The following NPAS3 variants were observed in gnomAD, a reference collection of about 807,000 sequenced individuals.
The protein encoded by NPAS3 is neuronal PAS domain protein 3, also known as neuronal PAS domain-containing protein 3.
In NPAS3, 14 loss-of-function variants were observed where a neutral mutation model predicts 73.1. The ratio of observed to expected loss-of-function variants is 0.19; its 90% CI spans 0.13 to 0.30. The LOEUF (loss-of-function observed/expected upper bound fraction) is 0.30, where lower values mean the gene tolerates loss of function less well. Among genes scored for constraint, NPAS3 ranks in the 10% least tolerant of loss-of-function variants. NPAS3 has a pLI of 1.00. For missense variants in NPAS3, 1,096 were observed against 1,250.0 expected (o/e 0.88, Z 1.86); for synonymous variants, 620 against 541.5 (o/e 1.14, Z -2.01).
chr14:32,965,196 G>A (rs2037101600), intron 1 of NPAS3, among the ~76,000 whole-genome samples: 2 of 152,102 alleles, frequency 1.3e-5, no homozygotes, highest in Non-Finnish European at 2.9e-5. Context: ...AGTAGAGGGA[G>A]TTGATCCAAA....
intron 1 of NPAS3, among the ~76,000 whole-genome samples, chr14:32,983,056 A>C (rs982639092): frequency 6.6e-6 from 1 of 152,218 alleles, no homozygotes; most frequent in African/African-American, 2.4e-5. Flanking sequence ...TAATTAGAGA[A>C]GAAAAACCTA....
chr14:33,509,162 A>T (rs1308011601), intron 4 of NPAS3, among the ~76,000 whole-genome samples: 1 of 151,606 alleles, frequency 6.6e-6, no homozygotes, highest in Non-Finnish European at 1.5e-5. Flanking sequence ...GTTATAATTG[A>T]TTCTTGATCA....
At chr14:33,695,430 A>G (rs566201411) in intron 6 of NPAS3, among the ~76,000 whole-genome samples, 2 of 152,346 alleles carry the variant, frequency 1.3e-5, no homozygotes, top group South Asian at 4.1e-4. Context: ...AGGTGGTCTC[A>G]GAAATGGTTT....
chr14:33,172,864 A>G (rs1328483454), intron 2 of NPAS3, among the ~76,000 whole-genome samples: 2 of 152,212 alleles, frequency 1.3e-5, no homozygotes, highest in African/African-American at 4.8e-5. Context: ...CTTGCCTAAT[A>G]GGTCTTGGTA....
intron 1 of NPAS3, among the ~76,000 whole-genome samples, chr14:32,959,299 C>T (rs1007834183): frequency 6.6e-5 from 10 of 152,154 alleles, no homozygotes; most frequent in African/African-American, 2.4e-4. Context: ...CCACACTTGG[C>T]CTGGTTGTTA....
chr14:33,160,293 A>G (rs1047471671), intron 2 of NPAS3, among the ~76,000 whole-genome samples: 1 of 152,132 alleles, frequency 6.6e-6, no homozygotes, highest in Non-Finnish European at 1.5e-5. Context: ...GTAATATAAA[A>G]TCTATCTTTT....
intron 3 of NPAS3, among the ~76,000 whole-genome samples, chr14:33,244,247 AT>A (rs2139845818): frequency 6.6e-6 from 1 of 152,200 alleles, no homozygotes; most frequent in Non-Finnish European, 1.5e-5. Context: ...ATGGAGACTT[AT>A]ATCTTCTACT....
At chr14:32,935,391 G>C (rs1275691461), upstream of NPAS3, among the ~76,000 whole-genome samples, 2 of 152,214 alleles carry the variant, frequency 1.3e-5, no homozygotes, top group Non-Finnish European at 2.9e-5. Context: ...ACAGCTAGGG[G>C]GGCAATTGAT....
chr14:33,168,583 G>T (rs565925048), intron 2 of NPAS3, among the ~76,000 whole-genome samples: 2 of 152,164 alleles, frequency 1.3e-5, no homozygotes, highest in Admixed American at 6.5e-5. Flanking sequence ...AAAGCTGACT[G>T]CCCCTCATTT....
At chr14:33,394,829 G>A (rs1035168900) in intron 4 of NPAS3, among the ~76,000 whole-genome samples, 4 of 152,086 alleles carry the variant, frequency 2.6e-5, no homozygotes, top group African/African-American at 9.7e-5. Flanking sequence ...CATTTGCCTT[G>A]CATATTGTTT....
At chr14:33,101,561 A>T (rs1293336761) in intron 2 of NPAS3, among the ~76,000 whole-genome samples, 1 of 152,184 alleles carries the variant, frequency 6.6e-6, no homozygotes, top group African/African-American at 2.4e-5. Flanking sequence ...TTGCCTCCTT[A>T]GAGGAAGATG....
At chr14:33,707,590 T>A (rs2060691998) in intron 6 of NPAS3, among the ~76,000 whole-genome samples, 1 of 152,020 alleles carries the variant, frequency 6.6e-6, no homozygotes, top group Non-Finnish European at 1.5e-5. Flanking sequence ...ACCTGTATGG[T>A]TCAAATCGCA....
intron 1 of NPAS3, among the ~76,000 whole-genome samples, chr14:32,952,170 A>G (rs1222070734): frequency 6.6e-6 from 1 of 152,078 alleles, no homozygotes; most frequent in Non-Finnish European, 1.5e-5. Flanking sequence ...AGCTCTTGTC[A>G]GTAATAATTG....
intron 7 of NPAS3, among the ~76,000 whole-genome samples, chr14:33,757,469 C>T (rs1335662917): frequency 6.6e-6 from 1 of 152,088 alleles, no homozygotes; most frequent in East Asian, 1.9e-4. Flanking sequence ...TGGTCTACTT[C>T]CTTAAAGATA....
chr14:33,018,882 T>C (rs1298297625), intron 1 of NPAS3, among the ~76,000 whole-genome samples: 1 of 152,052 alleles, frequency 6.6e-6, no homozygotes, highest in African/African-American at 2.4e-5. Flanking sequence ...GACGTTTGTA[T>C]GCACATAAAG....
chr14:33,329,321 C>G (rs1372190366), intron 3 of NPAS3, among the ~76,000 whole-genome samples: 1 of 152,128 alleles, frequency 6.6e-6, no homozygotes, highest in Non-Finnish European at 1.5e-5. Context: ...GCGCTACCAG[C>G]ATGACTTGGG....
intron 6 of NPAS3, among the ~76,000 whole-genome samples, chr14:33,690,433 T>C (rs1460249828): frequency 6.6e-6 from 1 of 152,142 alleles, no homozygotes; most frequent in Admixed American, 6.5e-5. Flanking sequence ...GAGATGTTAA[T>C]GACTTTTAGT....
At chr14:33,180,250 T>C (rs2045742575) in intron 2 of NPAS3, among the ~76,000 whole-genome samples, 1 of 152,092 alleles carries the variant, frequency 6.6e-6, no homozygotes, top group African/African-American at 2.4e-5. Context: ...TTATTTTTCT[T>C]ATCGTATCTC....
chr14:33,724,135 A>G (rs1216555467), intron 6 of NPAS3, among the ~76,000 whole-genome samples: 1 of 152,176 alleles, frequency 6.6e-6, no homozygotes, highest in Non-Finnish European at 1.5e-5. Context: ...TATATCATAA[A>G]CAAAAGTAAA....
Sources: gnomAD v4.1 joint callset for allele counts (sites outside exome capture counted in the v4.1 genomes callset) on GRCh38, gnomAD v4.1.1 for gene constraint, MANE v1.5 for transcripts, NCBI Gene and HGNC (gene_info 2026-07-23, HGNC 2026-07-21) for gene names.